The following GALNTL5 variants were observed in gnomAD, a reference collection of about 807,000 sequenced individuals.
GALNTL5 encodes inactive polypeptide N-acetylgalactosaminyltransferase-like protein 5.
GALNTL5 carries 44 observed loss-of-function variants against 51.0 expected under a neutral mutation model. That is an observed-to-expected ratio of 0.86 (90% CI 0.68 to 1.11). The LOEUF is 1.11. GALNTL5 is among the 50% of genes least tolerant of loss of function. The pLI is 0.00. For missense variants in GALNTL5, 528 were observed against 531.8 expected (o/e 0.99, Z 0.07); for synonymous variants, 192 against 182.8 (o/e 1.05, Z -0.41).
chr7:151,971,862 C>T (rs1205568929), intron 3 of GALNTL5, among the ~76,000 whole-genome samples: 1 of 152,170 alleles, frequency 6.6e-6, no homozygotes, highest in Non-Finnish European at 1.5e-5. Flanking sequence ...TAAGACATGC[C>T]TTGCTTTCCC....
intron 1 of GALNTL5, among the ~76,000 whole-genome samples, chr7:151,956,883 T>C (rs192735619): frequency 3.2e-4 from 48 of 152,262 alleles, no homozygotes; most frequent in Middle Eastern, 3.4e-3. Context: ...ATGCTGGTAA[T>C]GTTTATACAG....
intron 1 of GALNTL5, among the ~76,000 whole-genome samples, chr7:151,965,292 A>G (rs1486407846): frequency 6.6e-6 from 1 of 152,134 alleles, no homozygotes; most frequent in East Asian, 1.9e-4. Context: ...GACGTGTTAA[A>G]ATCTCATGTG....
intron 5 of GALNTL5, among the ~76,000 whole-genome samples, chr7:151,995,495 G>A (rs1344738390): frequency 2.0e-5 from 3 of 150,568 alleles, no homozygotes; most frequent in African/African-American, 7.3e-5. Flanking sequence ...GGTTCATGCA[G>A]TTTGAGAGAA....
chr7:151,981,629 C>T (rs1269782196), intron 3 of GALNTL5, among the ~76,000 whole-genome samples: 2 of 135,604 alleles, frequency 1.5e-5, no homozygotes, highest in Non-Finnish European at 3.2e-5. Context: ...TTCCTTCCTT[C>T]CTCCCTTTCT....
Position 152,019,690 on chromosome 7 carries a change from C to T in GALNTL5, c.1221C>T (p.Tyr407=), listed in dbSNP as rs748515875. The part of the protein sequence containing the change: ...LRKPGLKYVT[Y]GNIRERVELR... ...AGCCTGGTCTGAAATATGTCACCTACGGAAATATTCGCGAGCGTGTTGAGT... is the reference window on the plus strand; with the variant it reads ...AGCCTGGTCTGAAATATGTCACCTATGGAAATATTCGCGAGCGTGTTGAGT... Residue 407 remains tyrosine, a synonymous_variant, in exon 9 of 9, where the codon TAC becomes TAT. Coordinates refer to ENST00000392800, the MANE Select transcript of GALNTL5 (RefSeq NM_145292.4). 4.6e-5 allele frequency: 74 copies of T among 1,613,318 alleles called. No individual in the cohort carries two copies. The highest frequency in any genetic ancestry group is 5.4e-5 in the Non-Finnish European group (64 of 1,179,562).
chr7:152,002,706 C>T lies in GALNTL5; in HGVS notation c.659-8C>T. 4 of 1,613,590 alleles carry T rather than the reference C, an allele frequency of 2.5e-6. No individual in the cohort carries two copies. Among genetic ancestry groups the T allele is most frequent in the Non-Finnish European group, 3.4e-6 (4 of 1,179,734 alleles). On this transcript the variant is annotated splice_polypyrimidine_tract_variant and splice_region_variant and intron_variant, in intron 5 of 8. Transcript: ENST00000392800. ...TGGACTAACATTGCCCTGTTCTTGC[C>T]TCCCCAGGGGATGTTCTGGTGTTCC... is the stretch of plus-strand genomic sequence containing the variant.
chr7:151,980,588 G>T (rs11770365), intron 3 of GALNTL5, among the ~76,000 whole-genome samples: 107,634 of 151,590 alleles, frequency 0.71, 38,434 homozygotes, highest in South Asian at 0.81. Flanking sequence ...TGGATAAAAA[G>T]GAAGACGAGG....
intron 5 of GALNTL5, among the ~76,000 whole-genome samples, chr7:151,988,406 G>A (rs1365022409): frequency 6.6e-6 from 1 of 152,192 alleles, no homozygotes; most frequent in Non-Finnish European, 1.5e-5. Flanking sequence ...TCATTTGTAA[G>A]GGCATTCCTC....
chr7:152,005,223 TAACAC>T (rs778598485), intron 6 of GALNTL5, among the ~76,000 whole-genome samples: 1 of 151,278 alleles, frequency 6.6e-6, no homozygotes, highest in African/African-American at 2.4e-5. Flanking sequence ...TTGGAAAACT[TAACAC>T]ACACACACAC....
chr7:152,016,951 T>C (rs1371249611), intron 8 of GALNTL5, among the ~76,000 whole-genome samples: 1 of 151,578 alleles, frequency 6.6e-6, no homozygotes, highest in African/African-American at 2.4e-5. Flanking sequence ...AGCTGGAGAA[T>C]TGCTTGAACC....
At chr7:152,007,992 C>T (rs748453894) in intron 7 of GALNTL5, 48 bp downstream of exon 7, 2 of 1,002,236 alleles carry the variant, frequency 2.0e-6, no homozygotes, top group East Asian at 4.8e-5. Flanking sequence ...TGAAACCTAA[C>T]TTTGTCACAT....
chr7:151,982,852 C>G, intron 3 of GALNTL5, 134 bp from the exon 4 acceptor site: 1 of 1,564,468 alleles, frequency 6.4e-7, no homozygotes, highest in Non-Finnish European at 8.6e-7. Context: ...TGTACTGTCA[C>G]CTTATTACCA....
intron 2 of GALNTL5, chr7:151,970,502 T>C (rs192638023): frequency 4.9e-4 from 80 of 162,880 alleles, no homozygotes; most frequent in African/African-American, 1.8e-3. Context: ...ATGAATGGCT[T>C]GGTGCCTGCC....
chr7:151,971,483 G>C (rs987136573), intron 3 of GALNTL5, among the ~76,000 whole-genome samples: 1 of 152,044 alleles, frequency 6.6e-6, no homozygotes, highest in African/African-American at 2.4e-5. Flanking sequence ...TTATGTTAAT[G>C]ATTAACATAA....
intron 2 of GALNTL5, among the ~76,000 whole-genome samples, chr7:151,968,587 G>A (rs1001342630): frequency 1.3e-5 from 2 of 152,176 alleles, no homozygotes; most frequent in Admixed American, 6.5e-5. Context: ...CTTACCACTC[G>A]GATGGTGAGA....
At chr7:151,996,379 C>T (rs1252835063) in intron 5 of GALNTL5, among the ~76,000 whole-genome samples, 2 of 151,314 alleles carry the variant, frequency 1.3e-5, no homozygotes, top group South Asian at 2.1e-4. Flanking sequence ...CCACAACAGT[C>T]CCCAGAGTGT....
chr7:151,974,753 G>T (rs1013845798), intron 3 of GALNTL5, among the ~76,000 whole-genome samples: 1 of 152,092 alleles, frequency 6.6e-6, no homozygotes, highest in Non-Finnish European at 1.5e-5. Context: ...ATCATCATTT[G>T]TTCTCCCTAA....
chr7:152,004,350 A>G (rs997163823), intron 6 of GALNTL5, among the ~76,000 whole-genome samples: 1 of 150,298 alleles, frequency 6.7e-6, no homozygotes, highest in Non-Finnish European at 1.5e-5. Flanking sequence ...TATTACATAT[A>G]TTATAATTGT....
In GALNTL5 at chr7:152,002,175, G is replaced by A. The variant is rs945223633; in HGVS notation, c.659-539G>A. ...GGCACCTGTAATCCCAGCTACTTGGGAGGCTGAGGCAGGAGAATTGCTTGA... is the reference window on the plus strand; with the variant it reads ...GGCACCTGTAATCCCAGCTACTTGGAAGGCTGAGGCAGGAGAATTGCTTGA... On this transcript the variant is annotated intron_variant, in intron 5 of 8. Coordinates refer to ENST00000392800, the MANE Select transcript of GALNTL5 (RefSeq NM_145292.4). Among the ~76,000 whole-genome samples, 3 of 152,114 alleles carry A rather than the reference G, an allele frequency of 2.0e-5. No individual in the cohort carries two copies. The East Asian group carries it at 5.8e-4, about 29-fold the overall frequency.
Sources: allele counts gnomAD v4.1 joint callset (sites outside exome capture counted in the v4.1 genomes callset), GRCh38; gene constraint gnomAD v4.1.1; transcripts MANE v1.5; gene names NCBI Gene and HGNC (gene_info 2026-07-23, HGNC 2026-07-21).